FETUB: variants seen among roughly 807,000 people sequenced by gnomAD.
FETUB encodes fetuin B.
FETUB carries 28 observed loss-of-function variants against 30.9 expected under a neutral mutation model. The observed-to-expected ratio is 0.90, with a 90% confidence interval of 0.67 to 1.24. The LOEUF is 1.24. Among genes scored for constraint, FETUB ranks in the 50% most tolerant of loss-of-function variants. The pLI, the probability that FETUB is intolerant of heterozygous loss-of-function variation, is 0.00. For synonymous variants in FETUB, 186 were observed against 175.9 expected, an observed-to-expected ratio of 1.06 and a Z score of -0.45; for missense variants, 469 against 455.3, an observed-to-expected ratio of 1.03 and a Z score of -0.27.
intron 5 of FETUB, 64 bp downstream of exon 5, chr3:186,646,413 G>A: frequency 8.1e-6 from 10 of 1,230,402 alleles, no homozygotes; most frequent in Non-Finnish European, 1.1e-5. Flanking sequence ...TGTTTGTGGA[G>A]CATAAATTAC....
chr3:186,640,334 C>T (rs1388997211), upstream of FETUB: 1 of 710,456 alleles, frequency 1.4e-6, no homozygotes, highest in Non-Finnish European at 2.5e-6. Flanking sequence ...GTTCAGAATT[C>T]AAGGTGAACT....
intron 5 of FETUB, among the ~76,000 whole-genome samples, chr3:186,650,175 G>A (rs529938526): frequency 9.9e-6 from 1 of 100,682 alleles, no homozygotes; most frequent in Admixed American, 1.4e-4. Context: ...GGGGGTGGGG[G>A]GGGGGGGTAA....
rs540157028 is a variant in FETUB at position 186,652,348 on chromosome 3, C to T, written c.866C>T (p.Thr289Ile). The T allele has an allele frequency of 1.9e-6, 3 of 1,607,440 alleles. No individual in the cohort carries two copies. Among genetic ancestry groups the T allele is most frequent in the South Asian group, 2.2e-5 (2 of 90,314 alleles). Residue 289 changes from threonine to isoleucine, a missense_variant, in exon 7 of 7, where the codon ACC becomes ATC. Physicochemically the swap from Thr to Ile is moderately conservative, Grantham distance 89 (BLOSUM62 -1). Coordinates refer to ENST00000265029, the MANE Select transcript of FETUB (RefSeq NM_014375.3). ...PKVEESQQKNTPPTDSPSKAG... is the reference protein window; with the variant it reads ...PKVEESQQKNIPPTDSPSKAG... ...GTGGAAGAATCCCAGCAGAAAAACA[C>T]CCCCCCAACAGACTCCCCCTCCAAA... is the stretch of plus-strand genomic sequence containing the variant.
intron 3 of FETUB, among the ~76,000 whole-genome samples, chr3:186,644,069 C>T (rs6777690): frequency 0.018 from 2,767 of 152,196 alleles, 79 homozygotes; most frequent in African/African-American, 0.053. Context: ...GTATTGTGAT[C>T]GGATTAGGTT....
rs1318505881 is a variant in FETUB at position 186,644,935 on chromosome 3, G to T, written c.594+15G>T. On this transcript the variant is annotated intron_variant, in intron 4 of 6. Transcript: ENST00000265029. ...CTTCTAGCCAGGTAAGGCTAAAACTGCCCAAGCCAGTTACACAGTGTGTCT... is the reference window on the plus strand; with the variant it reads ...CTTCTAGCCAGGTAAGGCTAAAACTTCCCAAGCCAGTTACACAGTGTGTCT... The T allele has an allele frequency of 6.2e-7, 1 of 1,600,286 alleles. No individual in the cohort carries two copies. Among genetic ancestry groups the T allele is most frequent in the Non-Finnish European group, 8.5e-7 (1 of 1,173,090 alleles).
rs1056672551 is a variant in FETUB at position 186,640,944 on chromosome 3, G to C, written c.226-86G>C. On this transcript the variant is annotated intron_variant, in intron 1 of 6. Transcript: ENST00000265029. ...ATCTTCACAAATATTCTTTGGCTTTGCCATAAAGCAGGGGTTTTTTTGTGT... is the reference window on the plus strand; with the variant it reads ...ATCTTCACAAATATTCTTTGGCTTTCCCATAAAGCAGGGGTTTTTTTGTGT... 7 of 835,598 alleles carry C rather than the reference G, an allele frequency of 8.4e-6. No homozygotes were observed. The African/African-American group carries it at 1.2e-4, about 14-fold the overall frequency. 51.8% of individuals were successfully genotyped at this position (835,598 alleles called of 1,614,324 possible).
intron 5 of FETUB, among the ~76,000 whole-genome samples, chr3:186,650,527 T>G (rs1717938865): frequency 1.3e-5 from 2 of 152,122 alleles, no homozygotes; most frequent in Admixed American, 1.3e-4. Context: ...TTAAAAACCC[T>G]AGAAGATCAT....
At chr3:186,650,419 C>T (rs541488508) in intron 5 of FETUB, among the ~76,000 whole-genome samples, 5 of 152,064 alleles carry the variant, frequency 3.3e-5, no homozygotes, top group Non-Finnish European at 7.4e-5. Context: ...AAAGATATAG[C>T]TTCAATGTTT....
chr3:186,646,273 T>C lies in FETUB; in HGVS notation c.620T>C (p.Val207Ala), dbSNP rs1717531103. The change falls in exon 5 of 7, where the codon GTG becomes GCG. Residue 207 changes from valine (V) to alanine (A), a missense_variant. By Grantham distance (64) the Val-to-Ala change is moderately conservative. Transcript: ENST00000265029. Reference sequence around the variant, plus strand: ...TGGGTGGTCGGCCCTTCTTACTTTGTGGAATACTTAATTAAAGAATCACCA... The same window carrying C: ...TGGGTGGTCGGCCCTTCTTACTTTGCGGAATACTTAATTAAAGAATCACCA... ...SQWVVGPSYF[V>A]EYLIKESPCT... 3.1e-6 allele frequency: 5 copies of C among 1,613,884 alleles called. No individual in the cohort carries two copies. The highest frequency in any genetic ancestry group is 4.2e-6 in the Non-Finnish European group (5 of 1,179,782).
intron 2 of FETUB, 47 bp downstream of exon 2, chr3:186,641,187 G>A (rs1297705927): frequency 4.5e-6 from 5 of 1,121,212 alleles, no homozygotes; most frequent in Non-Finnish European, 5.4e-6. Context: ...GGGAAAGCAA[G>A]TAGGTACACT....
Position 186,644,854 on chromosome 3 carries a change from G to A in FETUB, c.528G>A (p.Ala176=), listed in dbSNP as rs78581831. Residue 176 remains alanine, a synonymous_variant, in exon 4 of 7, where the codon GCG becomes GCA. Coordinates refer to ENST00000265029, the MANE Select transcript of FETUB (RefSeq NM_014375.3). The part of the protein sequence containing the change: ...QVLEAATESL[A]KYNNENTSKQ... ...TGGAGGCTGCCACCGAGTCTCTTGC[G>A]AAATACAACAATGAGAACACATCCA... The A allele has an allele frequency of 5.0e-3, 8,095 of 1,613,762 alleles. 38 individuals are homozygous for A. Among genetic ancestry groups the A allele is most frequent in the Non-Finnish European group, 5.8e-3 (6,874 of 1,179,960 alleles).
In FETUB at chr3:186,640,683, C is replaced by T. The variant is rs182506996; in HGVS notation, c.223C>T (p.Arg75Trp). The change falls in exon 1 of 7, where the codon CGG (arginine) becomes TGG (tryptophan). Residue 75 changes from arginine (R) to tryptophan (W), a missense_variant and splice_region_variant. Transcript: ENST00000265029. ...NRVNDAQEYRRGGLGSLFYLT... is the reference protein window; with the variant it reads ...NRVNDAQEYRWGGLGSLFYLT... ...AGTGAACGACGCCCAGGAATACAGA[C>T]GGGCAAGTAGGGACAGTTCCCACTC... The T allele has an allele frequency of 1.7e-4, 278 of 1,612,222 alleles. 1 individual carries two copies. In the East Asian group the frequency reaches 3.3e-3, roughly 19 times the overall value.
chr3:186,644,214 C>T (rs1242957640), intron 3 of FETUB, among the ~76,000 whole-genome samples: 1 of 152,112 alleles, frequency 6.6e-6, no homozygotes, highest in Non-Finnish European at 1.5e-5. Flanking sequence ...TAGAATTTAT[C>T]CCCCTATCTA....
At chr3:186,641,373 G>T (rs2292994) in intron 2 of FETUB, 22,432 of 424,358 alleles carry the variant, frequency 0.053, 736 homozygotes, top group East Asian at 0.098. Flanking sequence ...TGGAAAAGTT[G>T]CCCCAAGTTG....
At chr3:186,644,692 G>A in intron 3 of FETUB, 59 bp from the exon 4 acceptor site, 1 of 1,380,356 alleles carries the variant, frequency 7.2e-7, no homozygotes, top group South Asian at 1.3e-5. Flanking sequence ...CCTCTTTACA[G>A]TCATATGATT....
rs773504499 is a variant in FETUB, at chr3:186,652,285, ACT to A, written c.806_807del (p.Ser269CysfsTer3). 1 of 1,552,686 alleles carries A rather than the reference ACT, an allele frequency of 6.4e-7. No individual in the cohort carries two copies. On this transcript the variant is annotated frameshift_variant, in exon 7 of 7. Coordinates refer to ENST00000265029, the MANE Select transcript of FETUB (RefSeq NM_014375.3). LOFTEE classifies it low-confidence loss of function (END_TRUNC). ...CAGGCTCCAGCCACTGGAAGTGAAA[ACT>A]CTGCTGTTAACCAGAAACCTACAAA... is the stretch of plus-strand genomic sequence containing the variant.
At chr3:186,638,916 C>T (rs897173039), upstream of FETUB, among the ~76,000 whole-genome samples, 4 of 152,176 alleles carry the variant, frequency 2.6e-5, no homozygotes, top group Non-Finnish European at 4.4e-5. Flanking sequence ...AGTATCGTTC[C>T]TATTTGAAAA....
chr3:186,640,013 A>G (rs1219291056), upstream of FETUB, among the ~76,000 whole-genome samples: 1 of 152,200 alleles, frequency 6.6e-6, no homozygotes, highest in Non-Finnish European at 1.5e-5. Flanking sequence ...ACAGAGTGTC[A>G]GCCAGGAAGT....
At chr3:186,644,168 T>A (rs111434312) in intron 3 of FETUB, among the ~76,000 whole-genome samples, 70 of 152,314 alleles carry the variant, frequency 4.6e-4, no homozygotes, top group African/African-American at 1.5e-3. Context: ...TTTATCTTAT[T>A]GTTAACTGTA....
Sources: allele counts gnomAD v4.1 joint callset (sites outside exome capture counted in the v4.1 genomes callset), GRCh38; gene constraint gnomAD v4.1.1; transcripts MANE v1.5; gene names NCBI Gene and HGNC (gene_info 2026-07-23, HGNC 2026-07-21).